PDSS2: variants seen among roughly 807,000 people sequenced by gnomAD.
PDSS2 encodes the protein all trans-polyprenyl-diphosphate synthase PDSS2.
A neutral mutation model predicts 44.5 loss-of-function variants in PDSS2; 31 were observed. The ratio of observed to expected loss-of-function variants is 0.70; its 90% CI spans 0.52 to 0.94. The LOEUF (loss-of-function observed/expected upper bound fraction) is 0.94, where lower values mean the gene tolerates loss of function less well. Ranked by LOEUF, PDSS2 falls within the 40% of genes least tolerant of loss-of-function variation. The pLI is 0.00. For synonymous variants in PDSS2, 157 were observed against 180.3 expected (o/e 0.87, Z 1.03); for missense variants, 452 against 482.2 (o/e 0.94, Z 0.59).
chr6:107,168,345 C>A (rs1771431421), intron 7 of PDSS2, among the ~76,000 whole-genome samples: 1 of 152,156 alleles, frequency 6.6e-6, no homozygotes, highest in Non-Finnish European at 1.5e-5. Flanking sequence ...CTTCCTCCAT[C>A]CCTTTATTTT....
intron 6 of PDSS2, among the ~76,000 whole-genome samples, chr6:107,205,407 T>C (rs1041686063): frequency 6.6e-6 from 1 of 152,326 alleles, no homozygotes; most frequent in South Asian, 2.1e-4. Flanking sequence ...TGACCTGCAA[T>C]AGCCCCTGGA....
At position 107,229,185 on chromosome 6, in the gene PDSS2, CTGTT is replaced by C. The variant is rs571071052; in HGVS notation, c.702+16359_702+16362del. Among the ~76,000 whole-genome samples, 67 of 152,044 alleles carry C rather than the reference CTGTT, an allele frequency of 4.4e-4. No individual in the cohort carries two copies. The East Asian group carries it at 0.011, about 25-fold the overall frequency. On this transcript the variant is annotated intron_variant, in intron 4 of 7. Coordinates refer to ENST00000369037, the MANE Select transcript of PDSS2 (RefSeq NM_020381.4). ...AAAAAAAATACATTTTTTCCTATTT[CTGTT>C]TGTTTTTAGTTTTTTGAGACGTTGT...
At chr6:107,304,903 A>T (rs1776808032) in intron 2 of PDSS2, among the ~76,000 whole-genome samples, 1 of 151,342 alleles carries the variant, frequency 6.6e-6, no homozygotes, top group South Asian at 2.1e-4. Flanking sequence ...GGCACAGACC[A>T]CAGAGTCCTC....
intron 7 of PDSS2, among the ~76,000 whole-genome samples, chr6:107,163,331 A>G (rs6938393): frequency 0.37 from 56,626 of 152,010 alleles, 10,775 homozygotes; most frequent in African/African-American, 0.43. Flanking sequence ...TCAATACTCA[A>G]CTCCAGACTT....
At chr6:107,260,818 T>C (rs1455135913) in intron 3 of PDSS2, among the ~76,000 whole-genome samples, 3 of 151,700 alleles carry the variant, frequency 2.0e-5, no homozygotes, top group African/African-American at 7.3e-5. Flanking sequence ...CGCCCGCCAC[T>C]ATGCCCGGCT....
intron 1 of PDSS2, among the ~76,000 whole-genome samples, chr6:107,437,135 G>A (rs1282548229): frequency 2.6e-5 from 4 of 152,280 alleles, no homozygotes; most frequent in Non-Finnish European, 5.9e-5. Context: ...GAGCAGTTGA[G>A]ATTACAGGTG....
intron 1 of PDSS2, among the ~76,000 whole-genome samples, chr6:107,379,612 T>G (rs1035663050): frequency 2.6e-5 from 4 of 152,216 alleles, no homozygotes; most frequent in Non-Finnish European, 4.4e-5. Context: ...ACATAACTTG[T>G]TATCTTTATT....
intron 1 of PDSS2, among the ~76,000 whole-genome samples, chr6:107,343,283 TACAG>T (rs1222248811): frequency 6.6e-6 from 1 of 152,288 alleles, no homozygotes; most frequent in East Asian, 1.9e-4. Flanking sequence ...TTCATTTAGA[TACAG>T]ACAACTGAAA....
At chr6:107,334,150 A>C (rs1378178456) in intron 2 of PDSS2, 48 bp downstream of exon 2, 1 of 1,552,830 alleles carries the variant, frequency 6.4e-7, no homozygotes. Flanking sequence ...GTCCAGTAAA[A>C]GAAAACACGA....
intron 2 of PDSS2, among the ~76,000 whole-genome samples, chr6:107,289,956 TAA>T (rs1562438980): frequency 6.6e-6 from 1 of 151,856 alleles, no homozygotes; most frequent in Admixed American, 6.6e-5. Context: ...AATTTTTTTT[TAA>T]AAAATGTTTT....
intron 1 of PDSS2, among the ~76,000 whole-genome samples, chr6:107,382,762 A>C (rs9486603): frequency 0.14 from 20,622 of 151,908 alleles, 1,540 homozygotes; most frequent in East Asian, 0.25. Context: ...ATTTGAGCTT[A>C]GGATGTCGAG....
chr6:107,416,960 G>A (rs763501192), intron 1 of PDSS2, among the ~76,000 whole-genome samples: 2 of 152,092 alleles, frequency 1.3e-5, no homozygotes, highest in Non-Finnish European at 2.9e-5. Flanking sequence ...CGGGTGCAGT[G>A]ACTCACACCT....
chr6:107,213,966 T>C (rs1041882704), intron 4 of PDSS2, among the ~76,000 whole-genome samples: 6 of 152,202 alleles, frequency 3.9e-5, no homozygotes, highest in Non-Finnish European at 8.8e-5. Flanking sequence ...ACATATGTAA[T>C]GTAAACTTTT....
chr6:107,241,716 A>G (rs1372409852), intron 4 of PDSS2, among the ~76,000 whole-genome samples: 1 of 152,172 alleles, frequency 6.6e-6, no homozygotes, highest in East Asian at 1.9e-4. Context: ...ATTTTTTGCT[A>G]TGCATCTACC....
rs1427525636 is a variant in PDSS2 at position 107,284,521 on chromosome 6, C to CT, written c.432-10295_432-10294insA. Among the ~76,000 whole-genome samples the CT allele has an allele frequency of 2.0e-5, 3 of 151,860 alleles. No homozygotes were observed. In the East Asian group the frequency reaches 5.8e-4, roughly 29 times the overall value. On this transcript the variant is annotated intron_variant, in intron 2 of 7. Transcript: ENST00000369037. ...ACTAAAAATACAAAAATTAGCCTGGCGTGGTGGCAGGCGCCTGTAATCCCA... is the reference window on the plus strand; with the variant it reads ...ACTAAAAATACAAAAATTAGCCTGGCTGTGGTGGCAGGCGCCTGTAATCCCA...
intron 2 of PDSS2, among the ~76,000 whole-genome samples, chr6:107,317,398 G>A (rs1194952468): frequency 6.6e-6 from 1 of 152,202 alleles, no homozygotes; most frequent in Non-Finnish European, 1.5e-5. Context: ...ATGGGAGGGG[G>A]CCAGGGAGAG....
In PDSS2 at chr6:107,345,715, A is replaced by T. The variant is rs150535399; in HGVS notation, c.297-11383T>A. 8.7e-4 allele frequency among the ~76,000 whole-genome samples: 133 copies of T among 152,304 alleles called. No homozygotes were observed. The East Asian group carries it at 0.023, about 26-fold the overall frequency. ...TTTTAGTAGGAAAAATATGTTTAAA[A>T]ATGAATGGAAAAACATTCAAAATGT... On this transcript the variant is annotated intron_variant, in intron 1 of 7. Coordinates refer to ENST00000369037, the MANE Select transcript of PDSS2 (RefSeq NM_020381.4).
Position 107,345,407 on chromosome 6 carries a change from C to A in PDSS2, c.297-11075G>T, listed in dbSNP as rs1778211475. ...AATATTTAGTGTATGGAGTATCAGTCCTATTAGCTAATAATGGAATCACAT... is the reference window on the plus strand; with the variant it reads ...AATATTTAGTGTATGGAGTATCAGTACTATTAGCTAATAATGGAATCACAT... On this transcript the variant is annotated intron_variant, in intron 1 of 7. Coordinates refer to ENST00000369037, the MANE Select transcript of PDSS2 (RefSeq NM_020381.4). Among the ~76,000 whole-genome samples, 6 of 150,294 alleles carry A rather than the reference C, an allele frequency of 4.0e-5. No homozygotes were observed. The Admixed American group carries it at 4.0e-4, about 10-fold the overall frequency.
At position 107,376,722 on chromosome 6, in the gene PDSS2, C is replaced by T. The variant is rs1220028150; in HGVS notation, c.297-42390G>A. 4.6e-5 allele frequency among the ~76,000 whole-genome samples: 7 copies of T among 152,070 alleles called. No individual in the cohort carries two copies. The East Asian group carries it at 1.2e-3, about 25-fold the overall frequency. ...TCTGCAAACAGGGACAATTTGACTT[C>T]CTCTTTTCCTAATTGAATACCCTTT... On this transcript the variant is annotated intron_variant, in intron 1 of 7. Coordinates refer to ENST00000369037, the MANE Select transcript of PDSS2 (RefSeq NM_020381.4).
Sources: gnomAD v4.1 joint callset for allele counts (sites outside exome capture counted in the v4.1 genomes callset) on GRCh38, gnomAD v4.1.1 for gene constraint, MANE v1.5 for transcripts, NCBI Gene and HGNC (gene_info 2026-07-23, HGNC 2026-07-21) for gene names.